STIM1: variants seen among roughly 807,000 people sequenced by gnomAD.
STIM1 encodes stromal interaction molecule 1.
Under a neutral mutation model 74.7 loss-of-function variants are expected in STIM1, and 25 were observed. The observed-to-expected ratio is 0.33, with a 90% CI of 0.24 to 0.47. The LOEUF (loss-of-function observed/expected upper bound fraction) is 0.47. Ranked by LOEUF, STIM1 falls within the 20% of genes least tolerant of loss-of-function variation. The pLI, the probability that STIM1 is intolerant of heterozygous loss-of-function variation, is 1.00. For synonymous variants in STIM1, 328 were observed against 348.8 expected, an observed-to-expected ratio of 0.94 and a Z score of 0.66; for missense variants, 728 against 920.8, an observed-to-expected ratio of 0.79 and a Z score of 2.71.
intron 6 of STIM1, among the ~76,000 whole-genome samples, chr11:4,073,153 A>G (rs1417777718): frequency 7.4e-6 from 1 of 135,412 alleles, no homozygotes; most frequent in Non-Finnish European, 1.5e-5. Context: ...TCTGTAGTCT[A>G]TCCTTTCTTT....
chr11:4,038,889 T>C (rs886923462), intron 3 of STIM1, among the ~76,000 whole-genome samples: 4 of 152,182 alleles, frequency 2.6e-5, no homozygotes, highest in Non-Finnish European at 5.9e-5. Flanking sequence ...GGGCATCAAA[T>C]TTCTGGGTGT....
chr11:3,995,706 G>A (rs1419202068), intron 2 of STIM1, among the ~76,000 whole-genome samples: 5 of 151,956 alleles, frequency 3.3e-5, no homozygotes, highest in South Asian at 2.1e-4. Context: ...GTGCAGTGGC[G>A]TGATCATGGC....
In STIM1 at chr11:4,028,212, G is replaced by C. The variant is rs1302028709; in HGVS notation, c.385+4225G>C. ...TTCTTTTGCCTCAGCCTCCCGAGTA[G>C]CTGGGATTACAAGTGTGCACCATCA... is the stretch of plus-strand genomic sequence containing the variant. On this transcript the variant is annotated intron_variant, in intron 3 of 12. Transcript: ENST00000526596. Among the ~76,000 whole-genome samples, 4 of 152,098 alleles carry C rather than the reference G, an allele frequency of 2.6e-5. No homozygotes were observed. In the East Asian group the frequency reaches 5.8e-4, roughly 22 times the overall value.
intron 2 of STIM1, among the ~76,000 whole-genome samples, chr11:4,022,544 G>A (rs1237345390): frequency 3.3e-5 from 5 of 151,752 alleles, no homozygotes; most frequent in Non-Finnish European, 7.4e-5. Flanking sequence ...TCCTTGTCTC[G>A]TTCCAGATTT....
chr11:3,902,895 G>A (rs1461888171), intron 1 of STIM1, among the ~76,000 whole-genome samples: 1 of 152,180 alleles, frequency 6.6e-6, no homozygotes, highest in Non-Finnish European at 1.5e-5. Flanking sequence ...ATCGTCAGAA[G>A]GGAGCTGGTG....
intron 2 of STIM1, among the ~76,000 whole-genome samples, chr11:4,020,520 T>G (rs1231708149): frequency 6.6e-6 from 1 of 152,226 alleles, no homozygotes; most frequent in Non-Finnish European, 1.5e-5. Context: ...TATCTCATTG[T>G]GGTTTTGATT....
Position 4,086,546 on chromosome 11 carries a change from T to C in STIM1, c.1634+3T>C. On this transcript the variant is annotated splice_donor_region_variant and intron_variant, in intron 12 of 12. Coordinates refer to ENST00000526596, the MANE Select transcript of STIM1 (RefSeq NM_001382567.1). ...CAGCATGGCCTGGGATCTCAGAGGT[T>C]GGTAGAGGGCGAGGCTGGCCACTTC... 1 of 1,614,114 alleles carries C rather than the reference T, an allele frequency of 6.2e-7. No homozygotes were observed. Among genetic ancestry groups the C allele is most frequent in the South Asian group, 1.1e-5 (1 of 91,050 alleles).
In STIM1 at chr11:3,901,540, C is replaced by A. The variant is rs115613289; in HGVS notation, c.139+45131C>A. Among the ~76,000 whole-genome samples, 1,201 of 152,278 alleles carry A rather than the reference C, an allele frequency of 7.9e-3. 13 individuals carry two copies. The highest frequency in any genetic ancestry group is 0.028 in the African/African-American group (1,149 of 41,566). ...TCCTTTTCAAAGAGAAAATGAGATA[C>A]TTAATGACAGCTTATGTGTCAGAAA... On this transcript the variant is annotated intron_variant, in intron 1 of 12. Transcript: ENST00000526596.
intron 1 of STIM1, among the ~76,000 whole-genome samples, chr11:3,953,665 A>G (rs1301601698): frequency 1.3e-5 from 2 of 152,060 alleles, no homozygotes; most frequent in Admixed American, 6.5e-5. Context: ...GGCCCTCCAA[A>G]TCCCCTTCAA....
At position 3,895,690 on chromosome 11, in the gene STIM1, C is replaced by A; in HGVS notation, c.139+39281C>A. On this transcript the variant is annotated intron_variant, in intron 1 of 12. Coordinates refer to ENST00000526596, the MANE Select transcript of STIM1 (RefSeq NM_001382567.1). ...TCTTTCTTTCCTTCCTTCCTTCTTT[C>A]TTTCTTTCTTTCTTTCTTTCTTTCT... Among the ~76,000 whole-genome samples, 4 of 29,896 alleles carry A rather than the reference C, an allele frequency of 1.3e-4. No individual in the cohort carries two copies. In the South Asian group the frequency reaches 3.7e-3, roughly 28 times the overall value. 19.6% of individuals were successfully genotyped at this position (29,896 alleles called of 152,430 possible).
chr11:3,893,530 C>G (rs1377584531), intron 1 of STIM1, among the ~76,000 whole-genome samples: 1 of 152,192 alleles, frequency 6.6e-6, no homozygotes, highest in Non-Finnish European at 1.5e-5. Context: ...CCAAAATAAC[C>G]AACTGGTAGC....
chr11:3,911,606 C>A (rs1027272551), intron 1 of STIM1, among the ~76,000 whole-genome samples: 1 of 152,056 alleles, frequency 6.6e-6, no homozygotes, highest in Non-Finnish European at 1.5e-5. Flanking sequence ...AAGCTGCTCT[C>A]AAACTCCTGG....
rs1482241402 is a variant in STIM1, at chr11:4,092,406, C to G, written c.*608C>G. ...GATCCATGGGGGAGTGAAACCAATT[C>G]TCAGAGAACAACCCACCAGAGACTT... On this transcript the variant is annotated 3_prime_UTR_variant, in exon 13 of 13. Coordinates refer to ENST00000526596, the MANE Select transcript of STIM1 (RefSeq NM_001382567.1). The G allele has an allele frequency of 1.2e-5, 2 of 164,180 alleles. No homozygotes were observed. The highest frequency in any genetic ancestry group is 2.7e-5 in the Non-Finnish European group (2 of 73,574). 10.2% of individuals were successfully genotyped at this position (164,180 alleles called of 1,614,324 possible). A position where few individuals can be genotyped will look rare whatever the true frequency, so the allele number is the denominator to read the frequency against.
In STIM1 at chr11:4,092,219, G is replaced by C. The variant is rs199961953; in HGVS notation, c.*421G>C. 25 of 311,344 alleles carry C rather than the reference G, an allele frequency of 8.0e-5. No individual in the cohort carries two copies. The highest frequency in any genetic ancestry group is 7.3e-4 in the South Asian group (24 of 33,092). 19.3% of individuals were successfully genotyped at this position (311,344 alleles called of 1,614,324 possible). A position where few individuals can be genotyped will look rare whatever the true frequency, so the allele number is the denominator to read the frequency against. On this transcript the variant is annotated 3_prime_UTR_variant, in exon 13 of 13. Transcript: ENST00000526596. ...TCCCCTAGCAGTTGCAGGGAAGATA[G>C]GACGAGTAGCTTCTGACATGTGTGC...
intron 3 of STIM1, among the ~76,000 whole-genome samples, chr11:4,024,837 A>G (rs2093986037): frequency 1.3e-5 from 2 of 152,066 alleles, no homozygotes; most frequent in African/African-American, 4.8e-5. Context: ...GTGAAAGAGC[A>G]TGTCTAATTG....
chr11:3,942,220 G>A (rs749743148), intron 1 of STIM1, among the ~76,000 whole-genome samples: 21 of 152,230 alleles, frequency 1.4e-4, no homozygotes, highest in Middle Eastern at 3.4e-3. Context: ...GCCAAACCAG[G>A]ACTTCAACCT....
chr11:3,911,476 C>T (rs1291948360), intron 1 of STIM1, among the ~76,000 whole-genome samples: 1 of 152,116 alleles, frequency 6.6e-6, no homozygotes, highest in Non-Finnish European at 1.5e-5. Context: ...GCTCAACCTC[C>T]TGAGCTCAAG....
At chr11:3,992,081 GTTTTTTTGTT>G (rs1185726804) in intron 2 of STIM1, among the ~76,000 whole-genome samples, 2 of 91,964 alleles carry the variant, frequency 2.2e-5, no homozygotes, top group South Asian at 4.0e-4. Context: ...GCCAACATCT[GTTTTTTTGTT>G]TTTTTTTTTT....
chr11:3,956,022 G>GA (rs57545786), intron 1 of STIM1, among the ~76,000 whole-genome samples: 1,456 of 123,246 alleles, frequency 0.012, 17 homozygotes, highest in African/African-American at 0.034. Flanking sequence ...TGAAGTTATA[G>GA]AAAAAAAAAA....
Sources: allele counts gnomAD v4.1 joint callset (sites outside exome capture counted in the v4.1 genomes callset), GRCh38; gene constraint gnomAD v4.1.1; transcripts MANE v1.5; gene names NCBI Gene and HGNC (gene_info 2026-07-23, HGNC 2026-07-21).